The following MYCBP2 variants were observed in gnomAD, a reference collection of about 807,000 sequenced individuals.
The protein encoded by MYCBP2 is MYC binding protein 2, also known as E3 ubiquitin-protein ligase MYCBP2.
In MYCBP2, 120 loss-of-function variants were observed where a neutral mutation model predicts 525.3. That is an observed-to-expected ratio of 0.23 (90% CI 0.20 to 0.27). The LOEUF is 0.27. Among genes scored for constraint, MYCBP2 ranks in the 10% least tolerant of loss-of-function variants. MYCBP2 has a pLI of 1.00. For synonymous variants in MYCBP2, 1,894 were observed against 1,955.8 expected (o/e 0.97, Z 0.83); for missense variants, 4,149 against 5,657.1 (o/e 0.73, Z 8.55).
chr13:77,104,487 T>C (rs2047559752), intron 55 of MYCBP2, among the ~76,000 whole-genome samples: 1 of 152,066 alleles, frequency 6.6e-6, no homozygotes, highest in Admixed American at 6.6e-5. Flanking sequence ...TTGGGAGTCA[T>C]ATGCCTACAG....
intron 26 of MYCBP2, among the ~76,000 whole-genome samples, chr13:77,199,229 G>A (rs2062140397): frequency 1.3e-5 from 2 of 152,258 alleles, no homozygotes; most frequent in African/African-American, 2.4e-5. Flanking sequence ...CCTCACTCGG[G>A]AAGCGCAAGG....
chr13:77,098,025 G>A lies in MYCBP2; in HGVS notation c.9129C>T (p.Gly3043=), dbSNP rs2154129373. The change falls in exon 56 of 83, where the codon GGC becomes GGT. Residue 3043 remains glycine, a synonymous_variant. Transcript: ENST00000544440. ...AVFASFLWHE[G]IVHDAMACSS... is the part of the protein sequence containing the mutation. ...AACAAGCCATTGCATCATGTACTATGCCTTCATGCCAGAGGAAGGAAGCAA... is the reference window on the plus strand; with the variant it reads ...AACAAGCCATTGCATCATGTACTATACCTTCATGCCAGAGGAAGGAAGCAA... The A allele has an allele frequency of 6.2e-7, 1 of 1,613,662 alleles. No homozygotes were observed. Among genetic ancestry groups the A allele is most frequent in the Middle Eastern group, 1.7e-4 (1 of 6,044 alleles).
At chr13:77,073,944 G>A (rs141489190) in intron 68 of MYCBP2, among the ~76,000 whole-genome samples, 49 of 151,464 alleles carry the variant, frequency 3.2e-4, no homozygotes, top group Non-Finnish European at 6.0e-4. Context: ...TATTGACATG[G>A]CGATTCTCCC....
intron 18 of MYCBP2, among the ~76,000 whole-genome samples, chr13:77,227,355 A>C (rs1356051228): frequency 6.6e-6 from 1 of 151,742 alleles, no homozygotes; most frequent in African/African-American, 2.4e-5. Context: ...AAAAAAAAAA[A>C]AAAAAACCAA....
At chr13:77,271,351 T>A (rs1292323782) in intron 5 of MYCBP2, among the ~76,000 whole-genome samples, 1 of 152,188 alleles carries the variant, frequency 6.6e-6, no homozygotes, top group Non-Finnish European at 1.5e-5. Context: ...AGGATTTCAG[T>A]GTCTTTCAAT....
chr13:77,293,033 G>A (rs2077664681), intron 2 of MYCBP2, among the ~76,000 whole-genome samples: 1 of 151,422 alleles, frequency 6.6e-6, no homozygotes, highest in Non-Finnish European at 1.5e-5. Flanking sequence ...AACTTTGACT[G>A]CAGTAGTGCT....
chr13:77,114,612 TTATGAG>T (rs1028142447), intron 55 of MYCBP2, among the ~76,000 whole-genome samples: 6 of 152,218 alleles, frequency 3.9e-5, no homozygotes, highest in South Asian at 2.1e-4. Flanking sequence ...AGAATGTGAC[TTATGAG>T]TATAATAGAA....
At chr13:77,078,731 G>T in intron 66 of MYCBP2, 93 bp downstream of exon 66, 1 of 972,648 alleles carries the variant, frequency 1.0e-6, no homozygotes, top group Non-Finnish European at 1.7e-6. Context: ...TAATACTTTG[G>T]TTGTGTGCCA....
At chr13:77,311,781 A>G (rs2080265182) in intron 1 of MYCBP2, among the ~76,000 whole-genome samples, 2 of 152,046 alleles carry the variant, frequency 1.3e-5, no homozygotes, top group African/African-American at 4.8e-5. Context: ...CTGTGAAACA[A>G]TCTCAAAAGT....
intron 62 of MYCBP2, among the ~76,000 whole-genome samples, chr13:77,085,110 A>C (rs780088582): frequency 3.3e-5 from 5 of 152,098 alleles, no homozygotes; most frequent in Admixed American, 2.6e-4. Flanking sequence ...CATCGTAACT[A>C]TAACTAGAAC....
intron 40 of MYCBP2, 71 bp downstream of exon 40, chr13:77,168,356 AT>A: frequency 3.1e-6 from 4 of 1,270,578 alleles, no homozygotes; most frequent in Non-Finnish European, 1.1e-6. Flanking sequence ...CAGGCCAGGC[AT>A]TCTTTAAGAT....
chr13:77,110,982 G>A (rs757444228), intron 55 of MYCBP2, among the ~76,000 whole-genome samples: 16 of 151,946 alleles, frequency 1.1e-4, no homozygotes, highest in Non-Finnish European at 2.1e-4. Flanking sequence ...TAAACCAAAG[G>A]AGGAAAGACA....
intron 3 of MYCBP2, among the ~76,000 whole-genome samples, chr13:77,287,812 C>T (rs2077043774): frequency 6.6e-6 from 1 of 152,184 alleles, no homozygotes; most frequent in South Asian, 2.1e-4. Flanking sequence ...TCTCGGCTCA[C>T]TGGCTCAGAG....
Position 77,267,954 on chromosome 13 carries a change from A to T in MYCBP2, c.1261-17T>A. The T allele has an allele frequency of 6.4e-7, 1 of 1,557,204 alleles. No homozygotes were observed. Among genetic ancestry groups the T allele is most frequent in the Non-Finnish European group, 8.8e-7 (1 of 1,131,926 alleles). ...TAAATAACCCTGATAACAGCAAAAA[A>T]TTTTCCTGTTAAAATATTTATTACT... On this transcript the variant is annotated splice_polypyrimidine_tract_variant and intron_variant, in intron 7 of 82. Transcript: ENST00000544440.
intron 74 of MYCBP2, 108 bp from the exon 75 acceptor site, chr13:77,061,898 T>C (rs1249872813): frequency 2.6e-6 from 3 of 1,167,008 alleles, no homozygotes; most frequent in East Asian, 2.7e-5. Flanking sequence ...CGGAAGTCTA[T>C]TAAGAATTTA....
In MYCBP2 at chr13:77,154,416, G is replaced by GA. The variant is rs200386850; in HGVS notation, c.6915+1641dup. 7.1e-3 allele frequency among the ~76,000 whole-genome samples: 934 copies of GA among 131,642 alleles called. 10 individuals are homozygous for GA. Among genetic ancestry groups the GA allele is most frequent in the East Asian group, 0.056 (261 of 4,674 alleles). The allele number at this position is 131,642 out of a possible 152,430, so 86.4% of individuals were successfully genotyped here. ...GGAAAGAGGAGAGGGAAGAAGAGAG[G>GA]AAAAAAAAAAGCAGATCCATCATAT... On this transcript the variant is annotated intron_variant, in intron 46 of 82. Transcript: ENST00000544440.
chr13:77,062,620 T>C lies in MYCBP2; in HGVS notation c.12750A>G (p.Gly4250=), dbSNP rs1387355662. ...CCATTTGTTTTTGTTGTCCATCCTTTCCCATCCATCTCCCCGAGGAGAGAC... is the reference window on the plus strand; with the variant it reads ...CCATTTGTTTTTGTTGTCCATCCTTCCCCATCCATCTCCCCGAGGAGAGAC... ...VDRLSSGRWM[G]KDGQQKQMPM... The change falls in exon 74 of 83, where the codon GGA becomes GGG. Residue 4250 remains glycine, a synonymous_variant. Transcript: ENST00000544440. 6.2e-7 allele frequency: 1 copy of C among 1,614,184 alleles called. No individual in the cohort carries two copies. Among genetic ancestry groups the C allele is most frequent in the African/African-American group, 1.3e-5 (1 of 75,056 alleles).
At chr13:77,144,324 A>G (rs2055174768) in intron 49 of MYCBP2, 121 bp downstream of exon 49, 1 of 674,618 alleles carries the variant, frequency 1.5e-6, no homozygotes, top group South Asian at 1.8e-5. Context: ...CAAGGCCTCA[A>G]ATAAGTTATG....
chr13:77,185,230 G>A lies in MYCBP2; in HGVS notation c.4592C>T (p.Pro1531Leu), dbSNP rs760635944. The change falls in exon 32 of 83, where the codon CCC becomes CTC. Residue 1531 changes from proline to leucine, a missense_variant. By Grantham distance (98) the Pro-to-Leu change is moderately conservative. Coordinates refer to ENST00000544440, the MANE Select transcript of MYCBP2 (RefSeq NM_015057.5). ...AAGGACAGCTTCTAGAAGACTCAAG[G>A]GTTGACTGAGATATCCTTGAGGATC... is the stretch of plus-strand genomic sequence containing the variant. ...DNDPQGYLSQ[P>L]LSLLEAVLQE... 1 of 1,614,084 alleles carries A rather than the reference G, an allele frequency of 6.2e-7. No homozygotes were observed. Among genetic ancestry groups the A allele is most frequent in the Non-Finnish European group, 8.5e-7 (1 of 1,179,996 alleles).
Sources: allele counts gnomAD v4.1 joint callset (sites outside exome capture counted in the v4.1 genomes callset), GRCh38; gene constraint gnomAD v4.1.1; transcripts MANE v1.5; gene names NCBI Gene and HGNC (gene_info 2026-07-23, HGNC 2026-07-21).